TMEM132A: variants seen among roughly 807,000 people sequenced by gnomAD.
TMEM132A encodes GRP78-binding protein.
A neutral mutation model predicts 69.9 loss-of-function variants in TMEM132A; 48 were observed. That is an observed-to-expected ratio of 0.69 (90% confidence interval 0.55 to 0.87). TMEM132A has a LOEUF of 0.87. TMEM132A is among the 40% of genes least tolerant of loss of function. The pLI, the probability that TMEM132A is intolerant of heterozygous loss-of-function variation, is 0.00. For synonymous variants in TMEM132A, 577 were observed against 613.7 expected, an observed-to-expected ratio of 0.94 and a Z score of 0.88; for missense variants, 1,287 against 1,407.2, an observed-to-expected ratio of 0.91 and a Z score of 1.37.
At chr11:60,933,774 C>A (rs1443257385) in intron 8 of TMEM132A, 30 bp downstream of exon 8, 5 of 1,537,406 alleles carry the variant, frequency 3.3e-6, no homozygotes, top group South Asian at 2.4e-5. Context: ...AGCTGGCAGG[C>A]CTTGGCGAGT....
chr11:60,935,523 C>A lies in TMEM132A; in HGVS notation c.2028+80C>A. 7.0e-7 allele frequency: 1 copy of A among 1,418,896 alleles called. No homozygotes were observed. Among genetic ancestry groups the A allele is most frequent in the Non-Finnish European group, 9.6e-7 (1 of 1,042,414 alleles). 87.9% of individuals were successfully genotyped at this position (1,418,896 alleles called of 1,614,324 possible). On this transcript the variant is annotated intron_variant, in intron 10 of 10. Transcript: ENST00000453848. The surrounding 1 kb of genome is among the most constrained non-coding windows in gnomAD (Gnocchi z 5.0). The stretch of plus-strand genomic sequence containing the variant: ...GGTAGAGGGGAATGGGAGGAAGGGA[C>A]CCTGGTACCTCGACCCCTTAGGGTT...
At position 60,936,312 on chromosome 11, in the gene TMEM132A, GGGAGGAGGA is replaced by G; in HGVS notation, c.2484_2492del (p.Glu833_Glu835del). On this transcript the variant is annotated inframe_deletion, in exon 11 of 11. Coordinates refer to ENST00000453848, the MANE Select transcript of TMEM132A (RefSeq NM_178031.3). ...GCCAGGAAGGAGGAGACCGAAGCCA[GGGAGGAGGA>G]GGAGGAAGAGGAGGAGGAGATGGTC... 1 of 1,612,622 alleles carries G rather than the reference GGGAGGAGGA, an allele frequency of 6.2e-7. No individual in the cohort carries two copies. The highest frequency in any genetic ancestry group is 8.5e-7 in the Non-Finnish European group (1 of 1,178,756).
rs749168270 is a variant in TMEM132A at position 60,936,872 on chromosome 11, C to A, written c.3037C>A (p.Arg1013Ser). The A allele has an allele frequency of 1.3e-6, 2 of 1,585,266 alleles. No individual in the cohort carries two copies. Among genetic ancestry groups the A allele is most frequent in the Non-Finnish European group, 1.7e-6 (2 of 1,167,894 alleles). Reference sequence around the variant, plus strand: ...GGGGCTGAAGGACCCTGAGGAGCTTCGCAACTACATGGAGAGGATCCGGGG... The same window carrying A: ...GGGGCTGAAGGACCCTGAGGAGCTTAGCAACTACATGGAGAGGATCCGGGG... The part of the protein sequence containing the change: ...DMGLKDPEEL[R>S]NYMERIRGSS Residue 1013 changes from arginine (R) to serine (S), a missense_variant, in exon 11 of 11, where the codon CGC becomes AGC. By Grantham distance (110) the Arg-to-Ser change is moderately radical. Transcript: ENST00000453848.
In TMEM132A at chr11:60,933,756, C is replaced by CCCTG; in HGVS notation, c.1559+13_1559+14insCTGC. 6.4e-7 allele frequency: 1 copy of CCCTG among 1,554,620 alleles called. No homozygotes were observed. The highest frequency in any genetic ancestry group is 8.7e-7 in the Non-Finnish European group (1 of 1,149,438). Reference sequence around the variant, plus strand: ...GGCCCTGCTGAAGGGTGAGTGGAGGCCTGAGGAAGCTGGCAGGCCTTGGCG... The same window carrying CCCTG: ...GGCCCTGCTGAAGGGTGAGTGGAGGCCCTGCTGAGGAAGCTGGCAGGCCTTGGCG... On this transcript the variant is annotated intron_variant, in intron 8 of 10. Transcript: ENST00000453848.
At position 60,934,530 on chromosome 11, in the gene TMEM132A, G is replaced by T; in HGVS notation, c.1602G>T (p.Arg534=). ...CAGAGGCGTCGGATGAGGCCGAGCG[G>T]CGCGCCCGTGGCTGCCACCTGCAGT... ...PAAEASDEAE[R]RARGCHLQYQ... is the part of the protein sequence containing the mutation. Residue 534 remains arginine (R), a synonymous_variant, in exon 9 of 11, where the codon CGG becomes CGT. Transcript: ENST00000453848. The T allele has an allele frequency of 6.8e-7, 1 of 1,460,812 alleles. No individual in the cohort carries two copies. The highest frequency in any genetic ancestry group is 1.5e-5 in the African/African-American group (1 of 68,404). The allele number at this position is 1,460,812 out of a possible 1,614,324, so 90.5% of individuals were successfully genotyped here. A position where few individuals can be genotyped will look rare whatever the true frequency, so the allele number is the denominator to read the frequency against.
chr11:60,926,661 A>G (rs1396917165), intron 1 of TMEM132A: 1 of 178,070 alleles, frequency 5.6e-6, no homozygotes, highest in Non-Finnish European at 1.2e-5. Flanking sequence ...CCCATCCCAC[A>G]CTTGCACTCG....
Position 60,933,579 on chromosome 11 carries a change from A to T in TMEM132A, c.1394A>T (p.Lys465Met). ...TGTGATGCCGTGTTCGTGGCTGGCA[A>T]GGAGAGCCGGGGCGCCCGGGGGGTG... is the stretch of plus-strand genomic sequence containing the variant. ...EACDAVFVAG[K>M]ESRGARGVRV... is the part of the protein sequence containing the mutation. The change falls in exon 8 of 11, where the codon AAG (lysine) becomes ATG (methionine). Residue 465 changes from lysine (K) to methionine (M), a missense_variant. Physicochemically the swap from Lys to Met is moderately conservative, Grantham distance 95 (BLOSUM62 -1). Transcript: ENST00000453848. The T allele has an allele frequency of 3.1e-6, 5 of 1,607,772 alleles. No homozygotes were observed. Among genetic ancestry groups the T allele is most frequent in the Non-Finnish European group, 4.2e-6 (5 of 1,179,256 alleles).
chr11:60,924,547 G>C lies in TMEM132A; in HGVS notation c.-87G>C. 8.9e-7 allele frequency: 1 copy of C among 1,122,028 alleles called. No individual in the cohort carries two copies. Among genetic ancestry groups the C allele is most frequent in the Non-Finnish European group, 1.2e-6 (1 of 818,474 alleles). The allele number at this position is 1,122,028 out of a possible 1,614,324, so 69.5% of individuals were successfully genotyped here. ...CGGCCGGGACCCAGCGGGCCAGGTG[G>C]GGACGGCGCGGAGCGGGTGCGGGAG... is the stretch of plus-strand genomic sequence containing the variant. On this transcript the variant is annotated 5_prime_UTR_variant, in exon 1 of 11. Transcript: ENST00000453848.
In TMEM132A at chr11:60,927,671, C is replaced by G. The variant is rs751089802; in HGVS notation, c.346C>G (p.Gln116Glu). The change falls in exon 3 of 11, where the codon CAA becomes GAA. Residue 116 changes from glutamine to glutamate, a missense_variant. By Grantham distance (29) the Gln-to-Glu change is conservative. Coordinates refer to ENST00000453848, the MANE Select transcript of TMEM132A (RefSeq NM_178031.3). ...CCCCCCTCGAGTCACTGAGCCCCAC[C>G]AACGGCCAGTCCCATGGGACGTGCG... is the stretch of plus-strand genomic sequence containing the variant. ...VVPPRVTEPHQRPVPWDVRAV... is the reference protein window; with the variant it reads ...VVPPRVTEPHERPVPWDVRAV... The G allele has an allele frequency of 9.3e-6, 15 of 1,612,862 alleles. No homozygotes were observed. The African/African-American group carries it at 1.9e-4, about 20-fold the overall frequency.
chr11:60,933,263 G>A (rs1181233889), intron 7 of TMEM132A: 2 of 480,658 alleles, frequency 4.2e-6, no homozygotes, highest in Non-Finnish European at 7.5e-6. Flanking sequence ...GCTCACTGCA[G>A]TCTCAGCTAC....
At chr11:60,928,229 GT>G (rs2134895591) in intron 3 of TMEM132A, among the ~76,000 whole-genome samples, 1 of 152,324 alleles carries the variant, frequency 6.6e-6, no homozygotes, top group East Asian at 1.9e-4. Context: ...TATTAGTAGT[GT>G]TACTTTTATA....
chr11:60,935,342 C>T lies in TMEM132A; in HGVS notation c.1927C>T (p.Pro643Ser). ...CTCAGTGCTGGAGCTGAGGGTGCAG[C>T]CAGTGATGGGCATCTCGCTGACCTT... The part of the protein sequence containing the change: ...KVSVLELRVQ[P>S]VMGISLTLSR... The change falls in exon 10 of 11, where the codon CCA (proline) becomes TCA (serine). Residue 643 changes from proline to serine, a missense_variant. Pro to Ser is a moderately conservative substitution (Grantham distance 74). Coordinates refer to ENST00000453848, the MANE Select transcript of TMEM132A (RefSeq NM_178031.3). The surrounding 1 kb of genome is among the most constrained non-coding windows in gnomAD (Gnocchi z 5.0). The T allele has an allele frequency of 6.2e-7, 1 of 1,612,994 alleles. No individual in the cohort carries two copies. Among genetic ancestry groups the T allele is most frequent in the Non-Finnish European group, 8.5e-7 (1 of 1,179,698 alleles).
chr11:60,935,351 G>A lies in TMEM132A; in HGVS notation c.1936G>A (p.Gly646Ser). The A allele has an allele frequency of 1.1e-5, 17 of 1,613,008 alleles. No individual in the cohort carries two copies. Among genetic ancestry groups the A allele is most frequent in the Non-Finnish European group, 1.4e-5 (17 of 1,179,706 alleles). Residue 646 changes from glycine to serine, a missense_variant, in exon 10 of 11, where the codon GGC (glycine) becomes AGC (serine). Transcript: ENST00000453848. The surrounding 1 kb of genome is among the most constrained non-coding windows in gnomAD (Gnocchi z 5.0). ...GGAGCTGAGGGTGCAGCCAGTGATG[G>A]GCATCTCGCTGACCTTGAGCCGGGG... ...VLELRVQPVM[G>S]ISLTLSRGTA...
intron 2 of TMEM132A, 23 bp from the exon 3 acceptor site, chr11:60,927,618 A>G: frequency 6.3e-7 from 1 of 1,591,090 alleles, no homozygotes; most frequent in East Asian, 2.2e-5. Flanking sequence ...CTCTTTTGTT[A>G]AGCCCTCTCA....
chr11:60,927,297 G>T lies in TMEM132A; in HGVS notation c.194G>T (p.Gly65Val). 1.9e-6 allele frequency: 3 copies of T among 1,613,466 alleles called. No individual in the cohort carries two copies. Among genetic ancestry groups the T allele is most frequent in the South Asian group, 1.1e-5 (1 of 91,078 alleles). Residue 65 changes from glycine (G) to valine (V), a missense_variant, in exon 2 of 11, where the codon GGC (glycine) becomes GTC (valine). Transcript: ENST00000453848. ...GAACACTTCCGTGTGCAGCAGGTGG[G>T]CCACTACCCACCTGCCAACTCCTCT... ...APEHFRVQQV[G>V]HYPPANSSLS...
intron 8 of TMEM132A, chr11:60,934,224 C>G (rs536830035): frequency 6.0e-4 from 241 of 401,230 alleles, no homozygotes; most frequent in African/African-American, 4.7e-3. Context: ...CCCCAGGGTC[C>G]CCGTAAGAGA....
chr11:60,927,556 C>G, intron 2 of TMEM132A, 85 bp from the exon 3 acceptor site: 1 of 1,445,580 alleles, frequency 6.9e-7, no homozygotes, highest in East Asian at 2.3e-5. Context: ...CATAAAGGTT[C>G]TCTTCTGCCA....
At chr11:60,934,943 G>T (rs1006267080) in intron 9 of TMEM132A, among the ~76,000 whole-genome samples, 179 bp downstream of exon 9, 1 of 152,136 alleles carries the variant, frequency 6.6e-6, no homozygotes, top group Non-Finnish European at 1.5e-5. Flanking sequence ...CCGCATAAGG[G>T]GGGAAGCCCT....
rs1226325924 is a variant in TMEM132A, at chr11:60,924,684, C to G, written c.51C>G (p.Tyr17Ter). 1 of 1,591,782 alleles carries G rather than the reference C, an allele frequency of 6.3e-7. No individual in the cohort carries two copies. Among genetic ancestry groups the G allele is most frequent in the Admixed American group, 1.7e-5 (1 of 59,454 alleles). ...CAACAGCGGCCCCTCGGGGGCCCTACGGCCCCTGGCTCTGCCTCCTGGTGG... is the reference window on the plus strand; with the variant it reads ...CAACAGCGGCCCCTCGGGGGCCCTAGGGCCCCTGGCTCTGCCTCCTGGTGG... ...GRTTAAPRGPYGPWLCLLVAL... is the reference protein window; with the variant it reads ...GRTTAAPRGP Residue 17 changes from tyrosine (Y) to a stop codon, truncating the protein, a stop_gained, in exon 1 of 11, where the codon TAC (tyrosine) becomes TAG (stop). Coordinates refer to ENST00000453848, the MANE Select transcript of TMEM132A (RefSeq NM_178031.3). LOFTEE classifies it high-confidence loss of function.
Sources: allele counts gnomAD v4.1 joint callset (sites outside exome capture counted in the v4.1 genomes callset), GRCh38; gene constraint gnomAD v4.1.1; non-coding constraint Gnocchi (gnomAD v3.1); transcripts MANE v1.5; gene names NCBI Gene and HGNC (gene_info 2026-07-23, HGNC 2026-07-21).